NLRP7: variants seen among roughly 807,000 people sequenced by gnomAD.
NLRP7 encodes the protein NLR family pyrin domain containing 7, also known as NACHT, LRR and PYD domains-containing protein 7.
NLRP7 carries 72 observed loss-of-function variants against 85.5 expected under a neutral mutation model. The ratio of observed to expected loss-of-function variants is 0.84; its 90% confidence interval spans 0.70 to 1.02. NLRP7 has a LOEUF of 1.02. Ranked by LOEUF, NLRP7 falls within the 50% of genes least tolerant of loss-of-function variation. The pLI, the probability that NLRP7 is intolerant of heterozygous loss-of-function variation, is 0.00. For missense variants in NLRP7, 1,243 were observed against 1,219.5 expected, an observed-to-expected ratio of 1.02 and a Z score of -0.29; for synonymous variants, 550 against 505.2, an observed-to-expected ratio of 1.09 and a Z score of -1.19.
In NLRP7 at chr19:54,929,755, T is replaced by C. The variant is rs2068593923; in HGVS notation, c.2810+744A>G. ...GACTTTAGAAGTGCCCACCCACATA[T>C]ATTCAGTTTCTGGAGGGGTTTGATC... On this transcript the variant is annotated intron_variant, in intron 9 of 9. Transcript: ENST00000340844. Among the ~76,000 whole-genome samples the C allele has an allele frequency of 3.9e-5, 6 of 152,248 alleles. No homozygotes were observed. In the South Asian group the frequency reaches 1.2e-3, roughly 32 times the overall value.
upstream of NLRP7, chr19:54,947,720 C>T (rs2069536997): frequency 9.0e-7 from 1 of 1,110,224 alleles, no homozygotes; most frequent in South Asian, 1.3e-5. Context: ...TTACGGCTTG[C>T]TGAATCTCCC....
intron 9 of NLRP7, 57 bp from the exon 11 acceptor site, chr19:54,923,929 T>A (rs552084949): frequency 1.3e-6 from 2 of 1,574,220 alleles, no homozygotes; most frequent in African/African-American, 2.7e-5. Flanking sequence ...CTACCCAGGA[T>A]GCCTGAATAT....
chr19:54,937,381 A>C (rs1225529593), intron 5 of NLRP7, among the ~76,000 whole-genome samples: 2 of 151,604 alleles, frequency 1.3e-5, no homozygotes, highest in African/African-American at 2.4e-5. Context: ...TGTTTTGGTA[A>C]CAAAACAAAC....
intron 9 of NLRP7, among the ~76,000 whole-genome samples, chr19:54,929,224 C>A (rs2068570108): frequency 6.6e-6 from 1 of 151,994 alleles, no homozygotes; most frequent in African/African-American, 2.4e-5. Flanking sequence ...CAAAAATTAG[C>A]TGGGTATGGT....
At position 54,956,147 on chromosome 19, in the gene NLRP7, G is replaced by T. The variant is rs189954756; in HGVS notation, c.-76-8642C>A. Among the ~76,000 whole-genome samples the T allele has an allele frequency of 2.8e-3, 388 of 137,116 alleles. 3 individuals carry two copies. The highest frequency in any genetic ancestry group is 0.013 in the African/African-American group (380 of 28,248). 90.0% of individuals were successfully genotyped at this position (137,116 alleles called of 152,430 possible). A position where few individuals can be genotyped will look rare whatever the true frequency, so the allele number is the denominator to read the frequency against. On this transcript the variant is annotated intron_variant, in intron 1 of 2. Coordinates refer to the NLRP7 transcript ENST00000587103. ...AGAGGGAGAGAAAGGAAGGAAGGAG[G>T]GAAGGAGGGAAGGAGGGAAGGGAAG...
At chr19:54,937,522 ACCT>A (rs2068985763) in intron 5 of NLRP7, among the ~76,000 whole-genome samples, 1 of 150,824 alleles carries the variant, frequency 6.6e-6, no homozygotes, top group Non-Finnish European at 1.5e-5. Flanking sequence ...AGAAAATTCC[ACCT>A]CTACTAAAAA....
intron 9 of NLRP7, among the ~76,000 whole-genome samples, chr19:54,929,383 C>G (rs1300503306): frequency 1.5e-5 from 2 of 135,816 alleles, no homozygotes; most frequent in Admixed American, 1.6e-4. Flanking sequence ...AAAAAAGTAC[C>G]CTGTGTTCTA....
At chr19:54,936,540 G>T in intron 5 of NLRP7, 109 bp from the exon 6 acceptor site, 1 of 1,002,390 alleles carries the variant, frequency 1.0e-6, no homozygotes, top group Non-Finnish European at 1.6e-6. Flanking sequence ...AGAAGTTCTT[G>T]GCCGGGTGCA....
At chr19:54,936,366 G>T (rs767630307) in exon 6 of NLRP7, 3 of 1,613,984 alleles carry the variant, frequency 1.9e-6, no homozygotes, top group Non-Finnish European at 2.5e-6. Flanking sequence ...GTGCGTGAGG[G>T]TCTTCTTCCC....
chr19:54,960,488 C>G (rs1276178777), intron 1 of NLRP7, among the ~76,000 whole-genome samples: 1 of 151,834 alleles, frequency 6.6e-6, no homozygotes, highest in Non-Finnish European at 1.5e-5. Context: ...TTCTCCCCAG[C>G]CACCCATGAG....
chr19:54,933,730 G>A (rs546052082), exon 8 of NLRP7: 2 of 1,614,066 alleles, frequency 1.2e-6, no homozygotes, highest in South Asian at 1.1e-5. Flanking sequence ...TAAGACGACA[G>A]TTTTCCAACC....
chr19:54,951,375 C>T (rs1414485756), upstream of NLRP7, among the ~76,000 whole-genome samples: 2 of 151,814 alleles, frequency 1.3e-5, no homozygotes, highest in African/African-American at 4.8e-5. Flanking sequence ...GGTGAAACTG[C>T]GTCTCTACAA....
chr19:54,927,497 G>C (rs150358108), intron 9 of NLRP7, 108 bp downstream of exon 10: 2 of 1,052,300 alleles, frequency 1.9e-6, no homozygotes, highest in Admixed American at 1.9e-5. Context: ...CAGAGGTTGC[G>C]GTGAGCCAAG....
chr19:54,964,441 C>G (rs892471494), intron 1 of NLRP7, among the ~76,000 whole-genome samples: 3 of 148,464 alleles, frequency 2.0e-5, no homozygotes, highest in African/African-American at 4.9e-5. Flanking sequence ...TGGTCTCGAT[C>G]TCCTGACCTC....
At chr19:54,938,148 G>A (rs752838090) in exon 5 of NLRP7, 1 of 1,613,996 alleles carries the variant, frequency 6.2e-7, no homozygotes, top group East Asian at 2.2e-5. Context: ...ACTTGAGGTT[G>A]CTGTTTGAGC....
chr19:54,939,952 C>T lies in NLRP7; in HGVS notation c.867G>A (p.Arg289=), dbSNP rs756621905. The stretch of plus-strand genomic sequence containing the variant: ...GCAAGGCTGCCCTGGGTAACATCTT[C>T]CTCTTCAGCAAACTCCCCAGGAGGA... Residue 289 remains arginine, a synonymous_variant, in exon 4 of 10, where the codon AGG becomes AGA. Coordinates refer to ENST00000340844, the Ensembl canonical transcript of NLRP7. 4.3e-6 allele frequency: 7 copies of T among 1,614,038 alleles called. No individual in the cohort carries two copies. In the Admixed American group the frequency reaches 1.0e-4, roughly 23 times the overall value.
intron 1 of NLRP7, among the ~76,000 whole-genome samples, chr19:54,963,400 A>G (rs1170166002): frequency 6.6e-6 from 1 of 152,062 alleles, no homozygotes; most frequent in Non-Finnish European, 1.5e-5. Context: ...GTTCTAAAAC[A>G]TGAAAAAGGC....
intron 1 of NLRP7, among the ~76,000 whole-genome samples, chr19:54,954,698 T>G (rs1314156569): frequency 6.6e-6 from 1 of 151,278 alleles, no homozygotes; most frequent in Non-Finnish European, 1.5e-5. Context: ...ATACAAAAAT[T>G]AGCCAGACGT....
chr19:54,933,226 A>G (rs577087271), intron 8 of NLRP7, among the ~76,000 whole-genome samples: 1 of 151,906 alleles, frequency 6.6e-6, no homozygotes, highest in African/African-American at 2.4e-5. Context: ...GCTCACTGCA[A>G]CCTCCGCCTT....
Sources: allele counts gnomAD v4.1 joint callset (sites outside exome capture counted in the v4.1 genomes callset), GRCh38; gene constraint gnomAD v4.1.1; transcripts MANE v1.5; gene names NCBI Gene and HGNC (gene_info 2026-07-23, HGNC 2026-07-21).